Variants in ZFPM2 observed in about 807,000 individuals in gnomAD.
ZFPM2 encodes the protein zinc finger protein, FOG family member 2.
In ZFPM2, 20 loss-of-function variants were observed where a neutral mutation model predicts 98.6. That is an observed-to-expected ratio of 0.20 (90% CI 0.14 to 0.29). The LOEUF (loss-of-function observed/expected upper bound fraction) is 0.29. Among genes scored for constraint, ZFPM2 ranks in the 10% least tolerant of loss-of-function variants. The pLI is 1.00. For missense variants in ZFPM2, 1,310 were observed against 1,388.6 expected, an observed-to-expected ratio of 0.94 and a Z score of 0.90; for synonymous variants, 518 against 502.7, an observed-to-expected ratio of 1.03 and a Z score of -0.41.
At chr8:105,567,813 A>T (rs1206855421) in intron 4 of ZFPM2, among the ~76,000 whole-genome samples, 1 of 152,108 alleles carries the variant, frequency 6.6e-6, no homozygotes, top group Non-Finnish European at 1.5e-5. Context: ...GAATTTGCTT[A>T]TCAGGAACAT....
intron 3 of ZFPM2, among the ~76,000 whole-genome samples, chr8:105,520,855 A>G (rs1435555658): frequency 6.6e-6 from 1 of 152,104 alleles, no homozygotes; most frequent in Non-Finnish European, 1.5e-5. Context: ...GGACAATTTT[A>G]GAGAGTGAGA....
In ZFPM2 at chr8:105,477,967, C is replaced by G. The variant is rs1361882636; in HGVS notation, c.301+33586C>G. Among the ~76,000 whole-genome samples the G allele has an allele frequency of 3.3e-5, 5 of 152,178 alleles. No individual in the cohort carries two copies. The East Asian group carries it at 9.6e-4, about 29-fold the overall frequency. On this transcript the variant is annotated intron_variant, in intron 3 of 7. Transcript: ENST00000407775. ...GTATTCATCACTTTTTTCCTTTCTG[C>G]ACAGTGCAATTACTTCCATGATAAG...
intron 5 of ZFPM2, among the ~76,000 whole-genome samples, chr8:105,762,024 A>T (rs542341288): frequency 1.3e-5 from 2 of 152,082 alleles, no homozygotes; most frequent in African/African-American, 4.8e-5. Context: ...TGTATTATAT[A>T]TGTTAATTCA....
chr8:105,386,773 G>A (rs1810999290), intron 1 of ZFPM2, among the ~76,000 whole-genome samples: 1 of 152,136 alleles, frequency 6.6e-6, no homozygotes, highest in South Asian at 2.1e-4. Flanking sequence ...TTTACAGAGA[G>A]CTGATTGGTC....
At chr8:105,602,224 C>T (rs1036847910) in intron 4 of ZFPM2, among the ~76,000 whole-genome samples, 3 of 151,908 alleles carry the variant, frequency 2.0e-5, no homozygotes, top group Admixed American at 6.6e-5. Context: ...GTAAAGATAT[C>T]GGAAGACACT....
At chr8:105,416,170 T>C (rs1811676494) in intron 1 of ZFPM2, among the ~76,000 whole-genome samples, 1 of 151,666 alleles carries the variant, frequency 6.6e-6, no homozygotes, top group African/African-American at 2.4e-5. Flanking sequence ...TGTATATATA[T>C]AAAATTGCCA....
intron 4 of ZFPM2, among the ~76,000 whole-genome samples, chr8:105,599,835 C>G (rs894190058): frequency 6.6e-6 from 1 of 152,018 alleles, no homozygotes; most frequent in African/African-American, 2.4e-5. Context: ...AAGGCTTTCA[C>G]TTGCACAGGG....
chr8:105,585,513 A>T (rs1355873696), intron 4 of ZFPM2, among the ~76,000 whole-genome samples: 1 of 152,180 alleles, frequency 6.6e-6, no homozygotes, highest in Admixed American at 6.5e-5. Flanking sequence ...TTCATTCTTT[A>T]TTCATTATTT....
At chr8:105,558,009 C>G (rs1815039048) in intron 3 of ZFPM2, among the ~76,000 whole-genome samples, 1 of 152,120 alleles carries the variant, frequency 6.6e-6, no homozygotes, top group Non-Finnish European at 1.5e-5. Context: ...AAACCAAACA[C>G]TCAGGAAAGA....
intron 4 of ZFPM2, among the ~76,000 whole-genome samples, chr8:105,565,008 A>T (rs1815214503): frequency 1.3e-5 from 2 of 151,942 alleles, no homozygotes; most frequent in African/African-American, 4.8e-5. Flanking sequence ...GGATTAGCGC[A>T]CTCTCTTAAA....
intron 1 of ZFPM2, chr8:105,418,618 T>G (rs1272817401): frequency 1.9e-6 from 1 of 518,736 alleles, no homozygotes; most frequent in South Asian, 1.4e-5. Context: ...GTAATTTTTC[T>G]TCAAGCCTCA....
rs74585797 is a variant in ZFPM2 at position 105,336,211 on chromosome 8, T to G, written c.40+17230T>G. ...TGTGTCGTGTCCTTTTAGCATGTTA[T>G]TTAATCCGTGACTCAGTTTCCCCAT... On this transcript the variant is annotated intron_variant, in intron 1 of 7. Transcript: ENST00000407775. 5.5e-3 allele frequency among the ~76,000 whole-genome samples: 832 copies of G among 151,902 alleles called. 6 individuals carry two copies. Among genetic ancestry groups the G allele is most frequent in the African/African-American group, 0.018 (767 of 41,500 alleles).
At chr8:105,397,829 A>G (rs952137698) in intron 1 of ZFPM2, among the ~76,000 whole-genome samples, 4 of 151,932 alleles carry the variant, frequency 2.6e-5, no homozygotes, top group Admixed American at 6.6e-5. Context: ...CTACCATGTA[A>G]CTCCGGTTGT....
intron 4 of ZFPM2, among the ~76,000 whole-genome samples, chr8:105,573,711 A>ATT (rs1815405436): frequency 6.6e-6 from 1 of 152,212 alleles, no homozygotes; most frequent in Admixed American, 6.5e-5. Flanking sequence ...TTTGGTGGGA[A>ATT]TTGGGGATCA....
chr8:105,636,473 C>A (rs1404239510), intron 5 of ZFPM2, among the ~76,000 whole-genome samples: 1 of 152,078 alleles, frequency 6.6e-6, no homozygotes, highest in East Asian at 1.9e-4. Flanking sequence ...ATTGTATGTG[C>A]TTCTCTCATT....
At chr8:105,741,409 G>A (rs777063862) in intron 5 of ZFPM2, among the ~76,000 whole-genome samples, 3 of 152,096 alleles carry the variant, frequency 2.0e-5, no homozygotes, top group Non-Finnish European at 4.4e-5. Flanking sequence ...CTTTGCTGTT[G>A]TTTAAGATCA....
chr8:105,774,230 G>A (rs1232950306), intron 5 of ZFPM2, among the ~76,000 whole-genome samples: 2 of 152,060 alleles, frequency 1.3e-5, no homozygotes, highest in African/African-American at 4.8e-5. Context: ...TCCTCCAGTA[G>A]GCAATTACTA....
At chr8:105,636,300 T>C (rs551897830) in intron 5 of ZFPM2, among the ~76,000 whole-genome samples, 1 of 152,262 alleles carries the variant, frequency 6.6e-6, no homozygotes, top group East Asian at 1.9e-4. Context: ...TTATATCTTT[T>C]TGCAATAAAC....
At chr8:105,764,397 C>G (rs1812812068) in intron 5 of ZFPM2, among the ~76,000 whole-genome samples, 1 of 151,740 alleles carries the variant, frequency 6.6e-6, no homozygotes, top group Middle Eastern at 3.4e-3. Flanking sequence ...TGAATACACT[C>G]AGGATTTTTA....
Sources: allele counts gnomAD v4.1 joint callset (sites outside exome capture counted in the v4.1 genomes callset), GRCh38; gene constraint gnomAD v4.1.1; transcripts MANE v1.5; gene names NCBI Gene and HGNC (gene_info 2026-07-23, HGNC 2026-07-21).